The following KCNC4 variants were observed in gnomAD, a reference collection of about 807,000 sequenced individuals.
The protein encoded by KCNC4 is potassium voltage-gated channel subfamily C member 4, also known as voltage-gated potassium channel KCNC4.
KCNC4 carries 23 observed loss-of-function variants against 42.8 expected under a neutral mutation model. The ratio of observed to expected loss-of-function variants is 0.54; its 90% CI spans 0.39 to 0.76. KCNC4 has a LOEUF of 0.76. Ranked by LOEUF, KCNC4 falls within the 30% of genes least tolerant of loss-of-function variation. The pLI is 0.00. For missense variants in KCNC4, 751 were observed against 898.2 expected, an observed-to-expected ratio of 0.84 and a Z score of 2.10; for synonymous variants, 422 against 393.5, an observed-to-expected ratio of 1.07 and a Z score of -0.86.
At chr1:110,250,345 T>C (rs1301860514), downstream of KCNC4, among the ~76,000 whole-genome samples, 3 of 152,120 alleles carry the variant, frequency 2.0e-5, no homozygotes, top group Non-Finnish European at 4.4e-5. Flanking sequence ...CCTTCTACAC[T>C]CACTCCCTCT....
At chr1:110,268,329 C>T (rs576958922) in intron 1 of KCNC4, among the ~76,000 whole-genome samples, 1 of 152,310 alleles carries the variant, frequency 6.6e-6, no homozygotes, top group Admixed American at 6.5e-5. Flanking sequence ...TAGCCTTGGC[C>T]GGGTACCGTG....
intron 1 of KCNC4, among the ~76,000 whole-genome samples, chr1:110,282,238 A>T (rs1054860246): frequency 6.6e-6 from 1 of 152,244 alleles, no homozygotes; most frequent in South Asian, 2.1e-4. Context: ...AGATGAAAGG[A>T]AAATGTCATC....
intron 1 of KCNC4, among the ~76,000 whole-genome samples, chr1:110,265,856 C>A (rs1444632397): frequency 6.6e-6 from 1 of 152,184 alleles, no homozygotes; most frequent in Non-Finnish European, 1.5e-5. Flanking sequence ...TCCCAAGTGA[C>A]TTGTTGCACC....
chr1:110,223,711 G>C lies in KCNC4; in HGVS notation c.1426G>C (p.Gly476Arg). 6.2e-7 allele frequency: 1 copy of C among 1,614,054 alleles called. No homozygotes were observed. The highest frequency in any genetic ancestry group is 1.7e-5 in the Admixed American group (1 of 60,018). The change falls in exon 2 of 4, where the codon GGC becomes CGC. Residue 476 changes from glycine to arginine, a missense_variant. Physicochemically the swap from Gly to Arg is moderately radical, Grantham distance 125. This residue lies in a region of KCNC4 where 185 missense variants were observed against 293.7 expected (regional missense o/e 0.63). Coordinates refer to ENST00000438661, the MANE Select transcript of KCNC4 (RefSeq NM_001039574.3). The surrounding 1 kb of genome is among the most constrained non-coding windows in gnomAD (Gnocchi z 7.5). ...MPVPVIVNNF[G>R]MYYSLAMAKQ... ...GGTGCCTGTCATCGTCAACAACTTC[G>C]GCATGTACTACTCCCTGGCCATGGC...
intron 1 of KCNC4, among the ~76,000 whole-genome samples, chr1:110,275,287 A>C (rs1477058634): frequency 6.6e-6 from 1 of 152,232 alleles, no homozygotes; most frequent in Non-Finnish European, 1.5e-5. Context: ...ATCAGGTTTT[A>C]ATGCAAATCA....
Position 110,226,126 on chromosome 1 carries a change from C to G in KCNC4, c.1767C>G (p.Cys589Trp). Residue 589 changes from cysteine (C) to tryptophan (W), a missense_variant, in exon 3 of 4, where the codon TGC (cysteine) becomes TGG (tryptophan). By Grantham distance (215) the Cys-to-Trp change is radical. Coordinates refer to ENST00000438661, the MANE Select transcript of KCNC4 (RefSeq NM_001039574.3). ...ACAGAAACAAGAAGGCAGCTGCCTG[C>G]TTCCTGCTCAGCACTGGGGACTATG... Reference protein sequence around the residue: ...TRDRNKKAAACFLLSTGDYAC... With the variant: ...TRDRNKKAAAWFLLSTGDYAC... 6.2e-7 allele frequency: 1 copy of G among 1,614,188 alleles called. No individual in the cohort carries two copies. Among genetic ancestry groups the G allele is most frequent in the Non-Finnish European group, 8.5e-7 (1 of 1,180,030 alleles).
intron 1 of KCNC4, among the ~76,000 whole-genome samples, chr1:110,254,650 A>G (rs1659301097): frequency 2.0e-5 from 3 of 152,232 alleles, no homozygotes; most frequent in Non-Finnish European, 2.9e-5. Context: ...TGATTACGGG[A>G]ACAAGGAGAT....
intron 1 of KCNC4, among the ~76,000 whole-genome samples, chr1:110,277,715 A>G (rs190440184): frequency 3.0e-4 from 45 of 152,322 alleles, no homozygotes; most frequent in Non-Finnish European, 1.5e-4. Context: ...GGACAGAAGC[A>G]GAGCCCTCCT....
chr1:110,257,283 T>TGACA (rs1659348284), intron 1 of KCNC4, among the ~76,000 whole-genome samples: 1 of 152,232 alleles, frequency 6.6e-6, no homozygotes, highest in Non-Finnish European at 1.5e-5. Context: ...CTGATGTGAC[T>TGACA]GACACAGTTG....
chr1:110,215,696 A>G (rs780341490), intron 1 of KCNC4, among the ~76,000 whole-genome samples: 4 of 152,184 alleles, frequency 2.6e-5, no homozygotes, highest in South Asian at 2.1e-4. Context: ...GTCAGTTACT[A>G]TGTGGGAGGC....
intron 1 of KCNC4, among the ~76,000 whole-genome samples, chr1:110,216,505 T>G (rs1159251734): frequency 6.6e-6 from 1 of 152,240 alleles, no homozygotes; most frequent in African/African-American, 2.4e-5. Context: ...CATTTGTCTC[T>G]GAACATCTTG....
chr1:110,232,642 T>C, intron 3 of KCNC4: 1 of 1,443,354 alleles, frequency 6.9e-7, no homozygotes, highest in Non-Finnish European at 9.1e-7. Context: ...CAGAGTTGGG[T>C]TGGCAGAGGG....
chr1:110,280,183 C>T (rs1042796505), intron 1 of KCNC4, among the ~76,000 whole-genome samples: 2 of 152,106 alleles, frequency 1.3e-5, no homozygotes, highest in African/African-American at 4.8e-5. Context: ...TTAACCATTT[C>T]GCAGAAATCG....
intron 3 of KCNC4, among the ~76,000 whole-genome samples, chr1:110,227,068 A>G (rs1308226492): frequency 6.6e-6 from 1 of 152,084 alleles, no homozygotes; most frequent in African/African-American, 2.4e-5. Context: ...ACCTCACTCA[A>G]TGTTCTACCT....
downstream of KCNC4, chr1:110,238,052 G>GGTT (rs1366582195): frequency 6.6e-6 from 1 of 152,254 alleles, no homozygotes; most frequent in Non-Finnish European, 1.5e-5. Context: ...GGGGACTCTG[G>GGTT]GGACAAGGCT....
At chr1:110,267,842 GT>G (rs1324058761) in intron 1 of KCNC4, among the ~76,000 whole-genome samples, 2 of 152,168 alleles carry the variant, frequency 1.3e-5, no homozygotes, top group Non-Finnish European at 2.9e-5. Context: ...GAGGAATTTG[GT>G]TTACAGTTAA....
chr1:110,224,799 C>CT (rs755443478), intron 2 of KCNC4: 4 of 152,284 alleles, frequency 2.6e-5, no homozygotes, highest in Non-Finnish European at 4.4e-5. Context: ...GTAGGCTGGG[C>CT]TCCTGGGAAA....
chr1:110,227,603 C>T (rs964379422), intron 3 of KCNC4, among the ~76,000 whole-genome samples: 1 of 152,230 alleles, frequency 6.6e-6, no homozygotes, highest in East Asian at 1.9e-4. Context: ...CTCCCGCCGA[C>T]CATCCCAAAC....
In KCNC4 at chr1:110,212,118, G is replaced by A. The variant is rs559601912; in HGVS notation, c.619G>A (p.Gly207Ser). Residue 207 changes from glycine (G) to serine (S), a missense_variant, in exon 1 of 4, where the codon GGC becomes AGC. Gly to Ser is a moderately conservative substitution (Grantham distance 56). Around this residue, in one of 4 missense-constraint regions of KCNC4, gnomAD observed 181 missense variants for 167.3 expected, o/e 1.08. Coordinates refer to ENST00000438661, the MANE Select transcript of KCNC4 (RefSeq NM_001039574.3). ...GHGAGSGGCRGWQPRMWALFE... is the reference protein window; with the variant it reads ...GHGAGSGGCRSWQPRMWALFE... The stretch of plus-strand genomic sequence containing the variant: ...TGGCGCCGGGTCTGGGGGCTGCCGC[G>A]GCTGGCAGCCCCGCATGTGGGCGCT... 4 of 1,501,930 alleles carry A rather than the reference G, an allele frequency of 2.7e-6. No homozygotes were observed. The highest frequency in any genetic ancestry group is 2.6e-5 in the South Asian group (2 of 76,984). The allele number at this position is 1,501,930 out of a possible 1,614,324, so 93.0% of individuals were successfully genotyped here.
Sources: gnomAD v4.1 joint callset for allele counts (sites outside exome capture counted in the v4.1 genomes callset) on GRCh38, gnomAD v4.1.1 for gene constraint, gnomAD v4.1.1 regional missense constraint, Gnocchi (gnomAD v3.1) non-coding constraint, MANE v1.5 for transcripts, NCBI Gene and HGNC (gene_info 2026-07-23, HGNC 2026-07-21) for gene names.